TRIM24: variants seen among roughly 807,000 people sequenced by gnomAD.
The protein encoded by TRIM24 is tripartite motif containing 24.
TRIM24 carries 29 observed loss-of-function variants against 123.9 expected under a neutral mutation model. The observed-to-expected ratio is 0.23, with a 90% CI of 0.17 to 0.32. The LOEUF (loss-of-function observed/expected upper bound fraction) is 0.32, where lower values mean the gene tolerates loss of function less well. Among genes scored for constraint, TRIM24 ranks in the 10% least tolerant of loss-of-function variants. TRIM24 has a pLI of 1.00. For synonymous variants in TRIM24, 456 were observed against 461.1 expected, an observed-to-expected ratio of 0.99 and a Z score of 0.14; for missense variants, 932 against 1,295.3, an observed-to-expected ratio of 0.72 and a Z score of 4.31.
intron 8 of TRIM24, among the ~76,000 whole-genome samples, chr7:138,553,269 CAT>C (rs376826367): frequency 0.011 from 1,646 of 152,070 alleles, 17 homozygotes; most frequent in Non-Finnish European, 0.016. Flanking sequence ...TTCTGAGAAA[CAT>C]ATAAAAGCGC....
rs891839669 is a variant in TRIM24, at chr7:138,508,790, G to T, written c.483+4382G>T. Among the ~76,000 whole-genome samples, 11 of 151,682 alleles carry T rather than the reference G, an allele frequency of 7.3e-5. 1 individual carries two copies. The highest frequency in any genetic ancestry group is 2.2e-4 in the African/African-American group (9 of 41,362). On this transcript the variant is annotated intron_variant, in intron 2 of 18. Coordinates refer to ENST00000343526, the MANE Select transcript of TRIM24 (RefSeq NM_015905.3). ...AATAGTCATTGCTGTCTCCCTTGCT[G>T]TTTTTTCTGTTCTAGACCTTGAAGC...
Position 138,460,844 on chromosome 7 carries a change from C to T in TRIM24, c.296C>T (p.Ala99Val), listed in dbSNP as rs1794945928. The T allele has an allele frequency of 6.4e-7, 1 of 1,565,894 alleles. No individual in the cohort carries two copies. The highest frequency in any genetic ancestry group is 1.4e-5 in the African/African-American group (1 of 71,040). ...CTGCCCGCGCCCATGCTGGGCTCGG[C>T]CGAGACCCCGCCACCCGTCCCTGCC... is the stretch of plus-strand genomic sequence containing the variant. Reference protein sequence around the residue: ...LMLPAPMLGSAETPPPVPAPG... With the variant: ...LMLPAPMLGSVETPPPVPAPG... The change falls in exon 1 of 19, where the codon GCC becomes GTC. Residue 99 changes from alanine (A) to valine (V), a missense_variant. Ala to Val is a moderately conservative substitution (Grantham distance 64). Around this residue, in one of 7 missense-constraint regions of TRIM24, gnomAD observed 164 missense variants for 181.9 expected, o/e 0.90. Coordinates refer to ENST00000343526, the MANE Select transcript of TRIM24 (RefSeq NM_015905.3).
intron 1 of TRIM24, among the ~76,000 whole-genome samples, chr7:138,484,910 C>T (rs1296197595): frequency 6.6e-6 from 1 of 151,946 alleles, no homozygotes; most frequent in African/African-American, 2.4e-5. Context: ...CTATGGTAGA[C>T]AGTTTCTTTT....
chr7:138,486,418 A>G (rs537254135), intron 1 of TRIM24, among the ~76,000 whole-genome samples: 59 of 152,300 alleles, frequency 3.9e-4, no homozygotes, highest in African/African-American at 1.2e-3. Context: ...GCCCATGCCT[A>G]TGTCCTGAAT....
At chr7:138,580,453 C>T (rs1797869066) in intron 15 of TRIM24, 109 bp from the exon 16 acceptor site, 1 of 1,371,226 alleles carries the variant, frequency 7.3e-7, no homozygotes, top group African/African-American at 1.4e-5. Context: ...AAAATTCATG[C>T]CAAATGAACA....
intron 1 of TRIM24, among the ~76,000 whole-genome samples, chr7:138,471,279 A>G (rs898544519): frequency 6.6e-6 from 1 of 152,126 alleles, no homozygotes; most frequent in African/African-American, 2.4e-5. Context: ...ATGATTTATT[A>G]TGTATAGGAT....
chr7:138,496,343 A>C (rs1031912585), intron 1 of TRIM24, among the ~76,000 whole-genome samples: 3 of 152,104 alleles, frequency 2.0e-5, no homozygotes, highest in Non-Finnish European at 4.4e-5. Flanking sequence ...TTTTTTGGGA[A>C]TGCTTTAGGA....
At chr7:138,471,771 C>T (rs1795278152) in intron 1 of TRIM24, among the ~76,000 whole-genome samples, 1 of 152,100 alleles carries the variant, frequency 6.6e-6, no homozygotes, top group Non-Finnish European at 1.5e-5. Flanking sequence ...AAACTCCTCA[C>T]CTCAGGTGAT....
At chr7:138,555,306 C>G (rs543160545) in intron 9 of TRIM24, among the ~76,000 whole-genome samples, 1 of 152,192 alleles carries the variant, frequency 6.6e-6, no homozygotes, top group East Asian at 1.9e-4. Flanking sequence ...ATGATGAATA[C>G]ATTAAGAATC....
rs556282363 is a variant in TRIM24, at chr7:138,525,299, A to G, written c.823A>G (p.Thr275Ala). ...GAAAGTGATCATAGATACACTAATC[A>G]CCAAACTGATGGAAAAAACAAAATA... Reference protein sequence around the residue: ...NQKVIIDTLITKLMEKTKYIK... With the variant: ...NQKVIIDTLIAKLMEKTKYIK... Residue 275 changes from threonine (T) to alanine (A), a missense_variant, in exon 5 of 19, where the codon ACC becomes GCC. Around this residue, in one of 7 missense-constraint regions of TRIM24, gnomAD observed 527 missense variants for 691.3 expected, o/e 0.76. Transcript: ENST00000343526. The G allele has an allele frequency of 1.6e-5, 24 of 1,521,450 alleles. 1 individual carries two copies. In the East Asian group the frequency reaches 5.3e-4, roughly 34 times the overall value. The allele number at this position is 1,521,450 out of a possible 1,614,324, so 94.2% of individuals were successfully genotyped here.
intron 6 of TRIM24, 31 bp downstream of exon 6, chr7:138,529,261 A>G (rs910065498): frequency 1.1e-5 from 12 of 1,126,798 alleles, no homozygotes; most frequent in Non-Finnish European, 1.5e-5. Context: ...TAGTATATTG[A>G]TTCAACATAG....
chr7:138,584,100 A>G, intron 18 of TRIM24, 101 bp downstream of exon 18: 1 of 1,349,030 alleles, frequency 7.4e-7, no homozygotes, highest in East Asian at 2.5e-5. Flanking sequence ...TGTCTGAGTT[A>G]GAATAAATTT....
At chr7:138,552,486 A>G (rs536795055) in intron 8 of TRIM24, among the ~76,000 whole-genome samples, 1 of 152,244 alleles carries the variant, frequency 6.6e-6, no homozygotes, top group East Asian at 1.9e-4. Context: ...GAAACTATAC[A>G]AACAAATTTA....
intron 7 of TRIM24, among the ~76,000 whole-genome samples, chr7:138,541,146 G>A (rs1036817205): frequency 6.6e-6 from 1 of 152,040 alleles, no homozygotes; most frequent in Non-Finnish European, 1.5e-5. Flanking sequence ...GCCGCATAAT[G>A]TATTTCTTAA....
chr7:138,513,586 TAAAC>T lies in TRIM24; in HGVS notation c.484-1623_484-1620del, dbSNP rs371549396. On this transcript the variant is annotated intron_variant, in intron 2 of 18. Coordinates refer to ENST00000343526, the MANE Select transcript of TRIM24 (RefSeq NM_015905.3). ...AGAGAGGGGGGAGGCGCCACACACT[TAAAC>T]AACTAGATCTCGTGAGAACTCAGTC... Among the ~76,000 whole-genome samples the T allele has an allele frequency of 4.7e-4, 72 of 151,908 alleles. 1 individual carries two copies. Among genetic ancestry groups the T allele is most frequent in the African/African-American group, 1.7e-3 (72 of 41,468 alleles).
intron 4 of TRIM24, among the ~76,000 whole-genome samples, chr7:138,522,084 GC>G (rs1796514801): frequency 6.6e-6 from 1 of 152,100 alleles, no homozygotes; most frequent in Admixed American, 6.6e-5. Flanking sequence ...TTTGAGTTCA[GC>G]CTGGGCAGCA....
At chr7:138,475,137 G>A (rs1795367598) in intron 1 of TRIM24, among the ~76,000 whole-genome samples, 1 of 152,182 alleles carries the variant, frequency 6.6e-6, no homozygotes, top group Non-Finnish European at 1.5e-5. Flanking sequence ...GGCATCAAGA[G>A]ATATTACTAC....
chr7:138,466,121 A>T (rs1283890605), intron 1 of TRIM24, among the ~76,000 whole-genome samples: 1 of 152,068 alleles, frequency 6.6e-6, no homozygotes, highest in Non-Finnish European at 1.5e-5. Context: ...CTCCTGCCTC[A>T]GCCTCCCAAG....
At chr7:138,537,726 C>T (rs1796921962) in intron 6 of TRIM24, among the ~76,000 whole-genome samples, 1 of 152,130 alleles carries the variant, frequency 6.6e-6, no homozygotes, top group Admixed American at 6.5e-5. Context: ...TGTTAGTAGT[C>T]CATCAAACAG....
Sources: gnomAD v4.1 joint callset for allele counts (sites outside exome capture counted in the v4.1 genomes callset) on GRCh38, gnomAD v4.1.1 for gene constraint, gnomAD v4.1.1 regional missense constraint, MANE v1.5 for transcripts, NCBI Gene and HGNC (gene_info 2026-07-23, HGNC 2026-07-21) for gene names.